ANTXR1: variants seen among roughly 807,000 people sequenced by gnomAD.
The protein encoded by ANTXR1 is ANTXR cell adhesion molecule 1, also known as anthrax toxin receptor 1.
Under a neutral mutation model 78.1 loss-of-function variants are expected in ANTXR1, and 19 were observed. The observed-to-expected ratio is 0.24, with a 90% CI of 0.17 to 0.36. The LOEUF is 0.36. Among genes scored for constraint, ANTXR1 ranks in the 10% least tolerant of loss-of-function variants. ANTXR1 has a pLI of 1.00. For missense variants in ANTXR1, 518 were observed against 718.6 expected, an observed-to-expected ratio of 0.72 and a Z score of 3.19; for synonymous variants, 273 against 260.5, an observed-to-expected ratio of 1.05 and a Z score of -0.46.
chr2:69,237,180 G>A lies in ANTXR1; in HGVS notation c.1435-8045G>A, dbSNP rs376258250. On this transcript the variant is annotated intron_variant, in intron 17 of 17. Transcript: ENST00000303714. ...CCTCGTGTTACCAAATATTTCCTGT[G>A]TGCTTTCATCTTACCCTCAGTTCTG... 8.5e-5 allele frequency among the ~76,000 whole-genome samples: 13 copies of A among 152,114 alleles called. No individual in the cohort carries two copies. In the East Asian group the frequency reaches 1.7e-3, roughly 20 times the overall value.
intron 13 of ANTXR1, among the ~76,000 whole-genome samples, chr2:69,153,434 T>C (rs1340238756): frequency 6.6e-6 from 1 of 151,992 alleles, no homozygotes; most frequent in Non-Finnish European, 1.5e-5. Context: ...GGCAGGGACT[T>C]CTGGAAAGGG....
Position 69,161,546 on chromosome 2 carries a change from A to T in ANTXR1, c.1048-8702A>T, listed in dbSNP as rs563110631. ...CAGCATTAACCCACCCCAATCAGTC[A>T]TGAGGTCTCTATTCAATTGATGCTG... On this transcript the variant is annotated intron_variant, in intron 13 of 17. Coordinates refer to ENST00000303714, the MANE Select transcript of ANTXR1 (RefSeq NM_032208.3). 6.6e-5 allele frequency among the ~76,000 whole-genome samples: 10 copies of T among 152,308 alleles called. No individual in the cohort carries two copies. In the South Asian group the frequency reaches 2.1e-3, roughly 32 times the overall value.
chr2:69,233,443 AATAT>A (rs1027507733), intron 17 of ANTXR1, among the ~76,000 whole-genome samples: 1 of 151,836 alleles, frequency 6.6e-6, no homozygotes, highest in African/African-American at 2.4e-5. Flanking sequence ...AAATTTATAA[AATAT>A]ATATCAGTAG....
At chr2:69,047,441 G>A (rs1033339118) in intron 3 of ANTXR1, among the ~76,000 whole-genome samples, 8 of 151,934 alleles carry the variant, frequency 5.3e-5, no homozygotes, top group Admixed American at 1.3e-4. Flanking sequence ...GGAACTATGC[G>A]GTCATTTGAA....
intron 16 of ANTXR1, among the ~76,000 whole-genome samples, chr2:69,185,005 C>T (rs1674384103): frequency 6.6e-6 from 1 of 152,168 alleles, no homozygotes; most frequent in African/African-American, 2.4e-5. Flanking sequence ...ATTTCACTTC[C>T]AGACTCCCTG....
chr2:69,183,488 G>A (rs1337341962), intron 16 of ANTXR1, among the ~76,000 whole-genome samples: 4 of 150,942 alleles, frequency 2.7e-5, no homozygotes, highest in Admixed American at 1.3e-4. Flanking sequence ...CTGCAACCTC[G>A]ACCTCCCAGG....
chr2:69,077,402 T>A lies in ANTXR1; in HGVS notation c.562-6T>A. 1 of 1,614,168 alleles carries A rather than the reference T, an allele frequency of 6.2e-7. No homozygotes were observed. The highest frequency in any genetic ancestry group is 8.5e-7 in the Non-Finnish European group (1 of 1,180,006). ...CCATGTGTTTGTGTATTTGCTGTGT[T>A]CTCAGCTGGCCCGGATTGCGGACAG... On this transcript the variant is annotated splice_region_variant and splice_polypyrimidine_tract_variant and intron_variant, in intron 7 of 17. Transcript: ENST00000303714.
chr2:69,188,945 C>G (rs1193353574), intron 16 of ANTXR1, among the ~76,000 whole-genome samples: 1 of 152,212 alleles, frequency 6.6e-6, no homozygotes, highest in East Asian at 1.9e-4. Context: ...TCAGAAAAAT[C>G]AAGGTTCCAA....
chr2:69,206,546 A>G (rs889117432), intron 17 of ANTXR1, among the ~76,000 whole-genome samples: 1 of 152,230 alleles, frequency 6.6e-6, no homozygotes, highest in Non-Finnish European at 1.5e-5. Flanking sequence ...TGTCTTAGGC[A>G]TGGTGGTGGA....
chr2:69,170,202 G>C, intron 13 of ANTXR1, 46 bp from the exon 14 acceptor site: 3 of 1,610,786 alleles, frequency 1.9e-6, no homozygotes, highest in Non-Finnish European at 2.5e-6. Flanking sequence ...TTAGGAGGCA[G>C]GTAGCCAGAG....
chr2:69,226,810 C>G (rs750271349), intron 17 of ANTXR1, among the ~76,000 whole-genome samples: 1 of 152,170 alleles, frequency 6.6e-6, no homozygotes, highest in African/African-American at 2.4e-5. Flanking sequence ...CAAAGCTTTA[C>G]CCTGCCTCTT....
At chr2:69,217,752 T>C (rs1675214157) in intron 17 of ANTXR1, among the ~76,000 whole-genome samples, 1 of 152,104 alleles carries the variant, frequency 6.6e-6, no homozygotes, top group South Asian at 2.1e-4. Flanking sequence ...AGGGCCTGTG[T>C]GTGAGGGGAC....
intron 12 of ANTXR1, among the ~76,000 whole-genome samples, chr2:69,151,520 C>T (rs541810786): frequency 3.7e-4 from 57 of 152,228 alleles, no homozygotes; most frequent in African/African-American, 1.2e-3. Context: ...GGACTGGCCT[C>T]GCCACATTTT....
chr2:69,181,935 G>T, intron 15 of ANTXR1, 54 bp downstream of exon 15: 2 of 1,577,252 alleles, frequency 1.3e-6, no homozygotes, highest in South Asian at 1.1e-5. Flanking sequence ...TCCCATCGAG[G>T]TACCAGCCGG....
At position 69,152,228 on chromosome 2, in the gene ANTXR1, T is replaced by C; in HGVS notation, c.1011T>C (p.Ala337=). ...LLILFLLLAL[A]LLWWFWPLCC... is the part of the protein sequence containing the mutation. ...TCCTGTTCCTGCTCCTAGCCCTGGC[T>C]CTCCTCTGGTGGTTCTGGCCCCTCT... is the stretch of plus-strand genomic sequence containing the variant. Residue 337 remains alanine (A), a synonymous_variant, in exon 13 of 18, where the codon GCT becomes GCC. Coordinates refer to ENST00000303714, the MANE Select transcript of ANTXR1 (RefSeq NM_032208.3). 1 of 1,614,092 alleles carries C rather than the reference T, an allele frequency of 6.2e-7. No homozygotes were observed.
chr2:69,148,748 T>C lies in ANTXR1; in HGVS notation c.952-3421T>C, dbSNP rs140420425. Among the ~76,000 whole-genome samples the C allele has an allele frequency of 1.6e-4, 25 of 152,316 alleles. No individual in the cohort carries two copies. In the East Asian group the frequency reaches 4.2e-3, roughly 26 times the overall value. ...CACCAAAATGTAAGCTCTTTAAGAA[T>C]AAAGACTGCCTATTTTGTTCACTAC... On this transcript the variant is annotated intron_variant, in intron 12 of 17. Coordinates refer to ENST00000303714, the MANE Select transcript of ANTXR1 (RefSeq NM_032208.3).
intron 3 of ANTXR1, 137 bp downstream of exon 3, chr2:69,044,950 C>A: frequency 1.2e-6 from 1 of 832,212 alleles, no homozygotes; most frequent in Non-Finnish European, 2.0e-6. Context: ...AGTTTTTAAC[C>A]TTACGTATGG....
chr2:69,197,455 A>G (rs1200861184), intron 17 of ANTXR1, among the ~76,000 whole-genome samples: 2 of 152,204 alleles, frequency 1.3e-5, no homozygotes, highest in Non-Finnish European at 2.9e-5. Context: ...GGCTCTGAGC[A>G]CGTGGAATTA....
chr2:69,145,514 G>A, intron 12 of ANTXR1: 2 of 1,449,866 alleles, frequency 1.4e-6, no homozygotes. Context: ...CGCACACTGA[G>A]TGCCCCAACA....
Sources: allele counts gnomAD v4.1 joint callset (sites outside exome capture counted in the v4.1 genomes callset), GRCh38; gene constraint gnomAD v4.1.1; transcripts MANE v1.5; gene names NCBI Gene and HGNC (gene_info 2026-07-23, HGNC 2026-07-21).